TNRC6A: variants seen among roughly 807,000 people sequenced by gnomAD.
TNRC6A encodes trinucleotide repeat containing adaptor 6A.
TNRC6A carries 44 observed loss-of-function variants against 221.2 expected under a neutral mutation model. The observed-to-expected ratio is 0.20, with a 90% CI of 0.16 to 0.26. TNRC6A has a LOEUF of 0.26. Ranked by LOEUF, TNRC6A falls within the 10% of genes least tolerant of loss-of-function variation. The pLI is 1.00. For missense variants in TNRC6A, 2,199 were observed against 2,404.4 expected, an observed-to-expected ratio of 0.91 and a Z score of 1.79; for synonymous variants, 847 against 838.5, an observed-to-expected ratio of 1.01 and a Z score of -0.18.
intron 2 of TNRC6A, among the ~76,000 whole-genome samples, chr16:24,714,881 T>TC (rs965054577): frequency 6.7e-6 from 1 of 149,856 alleles, no homozygotes; most frequent in African/African-American, 2.4e-5. Flanking sequence ...GTTTTTTTGT[T>TC]TTTTTTTTTT....
At position 24,672,385 on chromosome 16, in the gene TNRC6A, C is replaced by T. The variant is rs572628318; in HGVS notation, n.402+31376C>T. Among the ~76,000 whole-genome samples the T allele has an allele frequency of 1.4e-4, 22 of 152,200 alleles. No homozygotes were observed. The South Asian group carries it at 4.4e-3, about 30-fold the overall frequency. On this transcript the variant is annotated intron_variant and non_coding_transcript_variant, in intron 2 of 2. Transcript: ENST00000566108. The stretch of plus-strand genomic sequence containing the variant: ...CCTCGTGATCCGCCCTCCTCGGCCT[C>T]CCAAAGTGCTGGGATTACAGGCGTG...
intron 1 of TNRC6A, among the ~76,000 whole-genome samples, chr16:24,633,842 G>A (rs1283807871): frequency 6.6e-6 from 1 of 151,460 alleles, no homozygotes; most frequent in Non-Finnish European, 1.5e-5. Context: ...GAGTGCAGTG[G>A]CATGGTCTCA....
intron 11 of TNRC6A, among the ~76,000 whole-genome samples, chr16:24,800,423 TC>T (rs536507076): frequency 1.3e-3 from 203 of 152,290 alleles, no homozygotes; most frequent in Non-Finnish European, 2.6e-3. Flanking sequence ...ACCAGTTAAT[TC>T]CATGGGCATG....
At chr16:24,660,742 T>TTC (rs1555486360) in intron 2 of TNRC6A, among the ~76,000 whole-genome samples, 53 of 133,342 alleles carry the variant, frequency 4.0e-4, no homozygotes, top group African/African-American at 1.4e-3. Context: ...TTTTTTTCTT[T>TTC]TTTTTTTTTT....
chr16:24,614,955 C>T (rs1900266839), intron 1 of TNRC6A, among the ~76,000 whole-genome samples: 1 of 152,164 alleles, frequency 6.6e-6, no homozygotes, highest in African/African-American at 2.4e-5. Context: ...CTGTCAGCTA[C>T]TCAGGAGGCT....
chr16:24,757,558 G>A (rs1397140735), intron 3 of TNRC6A, among the ~76,000 whole-genome samples: 1 of 152,068 alleles, frequency 6.6e-6, no homozygotes, highest in Non-Finnish European at 1.5e-5. Context: ...TTTTGCTTGG[G>A]TTTTTCTGTC....
At chr16:24,635,236 A>G (rs757421756) in intron 1 of TNRC6A, among the ~76,000 whole-genome samples, 67 of 132,420 alleles carry the variant, frequency 5.1e-4, no homozygotes, top group Non-Finnish European at 5.9e-4. Flanking sequence ...CTTCATCTGG[A>G]TTGTTTTACT....
chr16:24,791,702 C>T lies in TNRC6A; in HGVS notation c.3060C>T (p.Asn1020=). ...DPSKYNYKNV[N]MWNKNVPNGN... ...GCAAATACAACTACAAAAATGTGAA[C>T]ATGTGGAACAAAAACGTCCCAAATG... Residue 1020 remains asparagine, a synonymous_variant, in exon 6 of 25, where the codon AAC becomes AAT. Transcript: ENST00000395799. The T allele has an allele frequency of 6.2e-7, 1 of 1,613,668 alleles. No homozygotes were observed. Among genetic ancestry groups the T allele is most frequent in the Non-Finnish European group, 8.5e-7 (1 of 1,179,842 alleles).
chr16:24,798,284 C>T (rs1259121206), intron 11 of TNRC6A, among the ~76,000 whole-genome samples: 1 of 152,114 alleles, frequency 6.6e-6, no homozygotes, highest in Non-Finnish European at 1.5e-5. Context: ...TAAAACTATA[C>T]TGGAGGAATG....
chr16:24,688,356 C>T (rs111509003), intron 2 of TNRC6A, among the ~76,000 whole-genome samples: 8 of 152,268 alleles, frequency 5.3e-5, no homozygotes, highest in African/African-American at 1.9e-4. Context: ...CAGGCTTCTA[C>T]AAGCTACACT....
intron 3 of TNRC6A, among the ~76,000 whole-genome samples, chr16:24,755,645 C>T (rs927850336): frequency 6.6e-6 from 1 of 152,176 alleles, no homozygotes; most frequent in African/African-American, 2.4e-5. Flanking sequence ...ATCCTGAGGT[C>T]TTAACGAAGT....
intron 2 of TNRC6A, among the ~76,000 whole-genome samples, chr16:24,646,610 C>T (rs1367381256): frequency 6.6e-6 from 1 of 152,160 alleles, no homozygotes; most frequent in Non-Finnish European, 1.5e-5. Context: ...AGCTGGAGGA[C>T]CATCTGGCAT....
intron 2 of TNRC6A, among the ~76,000 whole-genome samples, chr16:24,665,277 G>T (rs2055135014): frequency 6.6e-6 from 1 of 151,956 alleles, no homozygotes; most frequent in Non-Finnish European, 1.5e-5. Context: ...ATCTTGCTAT[G>T]TTGCCCAGGC....
intron 1 of TNRC6A, among the ~76,000 whole-genome samples, chr16:24,627,039 A>G (rs981620571): frequency 6.6e-6 from 1 of 151,500 alleles, no homozygotes; most frequent in African/African-American, 2.4e-5. Flanking sequence ...CCAGATGAGA[A>G]TTCCATAAAG....
Position 24,732,438 on chromosome 16 carries a change from A to C in TNRC6A, c.53+2138A>C, listed in dbSNP as rs12598957. Among the ~76,000 whole-genome samples the C allele has an allele frequency of 0.032, 4,910 of 152,268 alleles. 516 individuals are homozygous for C. The East Asian group carries it at 0.36, about 11-fold the overall frequency. On this transcript the variant is annotated intron_variant, in intron 2 of 24. Coordinates refer to ENST00000395799, the MANE Select transcript of TNRC6A (RefSeq NM_014494.4). ...TGATTGCTTACTATGTGCCTGGCAC[A>C]CTTTTCCTAAGATTTTACATGGACT...
chr16:24,718,444 G>A (rs913211478), intron 2 of TNRC6A, among the ~76,000 whole-genome samples: 26 of 152,138 alleles, frequency 1.7e-4, no homozygotes, highest in African/African-American at 6.3e-4. Flanking sequence ...GAGTTTGTTA[G>A]GTAGACATAA....
At chr16:24,667,340 C>T (rs1319625897) in intron 2 of TNRC6A, among the ~76,000 whole-genome samples, 1 of 152,152 alleles carries the variant, frequency 6.6e-6, no homozygotes. Flanking sequence ...GCCTGGCCCC[C>T]TGCACATGGC....
At chr16:24,820,384 T>A in intron 22 of TNRC6A, 24 bp downstream of exon 22, 3 of 1,608,324 alleles carry the variant, frequency 1.9e-6, no homozygotes, top group Non-Finnish European at 2.6e-6. Context: ...GTAAGGTGGG[T>A]TTCTGTGGTT....
rs552385529 is a variant in TNRC6A, at chr16:24,686,624, A to G, written n.402+45615A>G. Among the ~76,000 whole-genome samples the G allele has an allele frequency of 1.4e-4, 21 of 152,300 alleles. 1 individual carries two copies. The highest frequency in any genetic ancestry group is 1.0e-3 in the Admixed American group (16 of 15,286). ...CATTTGCATAGTAGATTAAGCGCCAAAATGATGTTGGAGCTGAAGAAGCAG... is the reference window on the plus strand; with the variant it reads ...CATTTGCATAGTAGATTAAGCGCCAGAATGATGTTGGAGCTGAAGAAGCAG... On this transcript the variant is annotated intron_variant and non_coding_transcript_variant, in intron 2 of 2. Transcript: ENST00000566108.
Sources: allele counts gnomAD v4.1 joint callset (sites outside exome capture counted in the v4.1 genomes callset), GRCh38; gene constraint gnomAD v4.1.1; transcripts MANE v1.5; gene names NCBI Gene and HGNC (gene_info 2026-07-23, HGNC 2026-07-21).